CRACDL: variants seen among roughly 807,000 people sequenced by gnomAD.
CRACDL encodes CRACD like.
CRACDL carries 26 observed loss-of-function variants against 70.6 expected under a neutral mutation model. The observed-to-expected ratio is 0.37, with a 90% CI of 0.27 to 0.51. The LOEUF is 0.51. CRACDL is among the 20% of genes least tolerant of loss of function. The pLI, the probability that CRACDL is intolerant of heterozygous loss-of-function variation, is 0.94. For missense variants in CRACDL, 1,283 were observed against 1,376.9 expected (o/e 0.93, Z 1.08); for synonymous variants, 618 against 615.2 (o/e 1.00, Z -0.07).
At chr2:98,929,490 T>G (rs373922964) in intron 1 of CRACDL, among the ~76,000 whole-genome samples, 44 of 152,156 alleles carry the variant, frequency 2.9e-4, no homozygotes, top group South Asian at 1.5e-3. Context: ...GCCTCTCTGG[T>G]CATGTCTCTG....
intron 7 of CRACDL, among the ~76,000 whole-genome samples, chr2:98,799,915 G>A (rs1704001688): frequency 6.6e-6 from 1 of 152,080 alleles, no homozygotes; most frequent in African/African-American, 2.4e-5. Context: ...TCTGACTTTT[G>A]TTCCTAACCT....
intron 1 of CRACDL, among the ~76,000 whole-genome samples, chr2:98,932,738 C>G (rs1032969538): frequency 2.0e-5 from 3 of 152,174 alleles, no homozygotes; most frequent in Non-Finnish European, 4.4e-5. Flanking sequence ...CACACTTTAC[C>G]CAAGACAGTG....
chr2:98,892,841 C>T (rs1275223206), intron 1 of CRACDL, among the ~76,000 whole-genome samples: 1 of 152,152 alleles, frequency 6.6e-6, no homozygotes, highest in Non-Finnish European at 1.5e-5. Context: ...CCCAGCTGGA[C>T]TCCTTACGGT....
At chr2:98,800,356 T>C (rs1441612395) in intron 7 of CRACDL, among the ~76,000 whole-genome samples, 7 of 151,446 alleles carry the variant, frequency 4.6e-5, no homozygotes, top group Non-Finnish European at 8.8e-5. Context: ...GGTGGAGGAG[T>C]TGTGTAAACC....
intron 7 of CRACDL, 43 bp downstream of exon 7, chr2:98,821,814 C>G: frequency 6.3e-7 from 1 of 1,587,464 alleles, no homozygotes. Flanking sequence ...GGATGTGGAT[C>G]TCCCCAGGCC....
chr2:98,797,257 T>C, intron 8 of CRACDL, 93 bp downstream of exon 8: 1 of 1,186,962 alleles, frequency 8.4e-7, no homozygotes, highest in South Asian at 1.4e-5. Flanking sequence ...GTGACGCCCA[T>C]GCAGCACATG....
Position 98,823,539 on chromosome 2 carries a change from T to C in CRACDL, c.736-2A>G. 6.4e-7 allele frequency: 1 copy of C among 1,568,204 alleles called. No homozygotes were observed. The highest frequency in any genetic ancestry group is 1.2e-5 in the South Asian group (1 of 86,860). ...GCTCAGGGATTCAGACTGAGCGCGC[T>C]GAGAGAAATAAAGATAAAAAGCATC... On this transcript the variant is annotated splice_acceptor_variant, in intron 6 of 9. Coordinates refer to ENST00000397899, the MANE Select transcript of CRACDL (RefSeq NM_207362.3). LOFTEE classifies it high-confidence loss of function. This position sits in a 1 kb window ranked among gnomAD's most constrained non-coding sequence, Gnocchi z 4.0.
chr2:98,880,012 G>A (rs1707600212), intron 1 of CRACDL, among the ~76,000 whole-genome samples: 1 of 152,250 alleles, frequency 6.6e-6, no homozygotes, highest in Admixed American at 6.5e-5. Flanking sequence ...AGACTGTAAA[G>A]TGCGTGTGCA....
chr2:98,799,591 A>G (rs1301840061), intron 7 of CRACDL, among the ~76,000 whole-genome samples: 1 of 152,148 alleles, frequency 6.6e-6, no homozygotes, highest in African/African-American at 2.4e-5. Flanking sequence ...AGCTTAGCAG[A>G]ATGCTTGGGT....
intron 3 of CRACDL, among the ~76,000 whole-genome samples, chr2:98,835,988 G>C (rs1225407774): frequency 6.6e-6 from 1 of 152,150 alleles, no homozygotes. Context: ...GACAGAATCT[G>C]GATCCATCGA....
intron 7 of CRACDL, 47 bp from the exon 8 acceptor site, chr2:98,797,584 T>G (rs762981201): frequency 3.8e-6 from 6 of 1,574,684 alleles, no homozygotes; most frequent in Non-Finnish European, 5.2e-6. Flanking sequence ...TATTCCCTCT[T>G]CGGTTGCACC....
At chr2:98,816,277 G>A (rs531059270) in intron 7 of CRACDL, among the ~76,000 whole-genome samples, 8 of 152,270 alleles carry the variant, frequency 5.3e-5, no homozygotes, top group South Asian at 2.1e-4. Context: ...GTTTTATGAC[G>A]TATCAGTGGG....
chr2:98,905,292 T>G (rs1461861421), intron 1 of CRACDL, among the ~76,000 whole-genome samples: 1 of 147,708 alleles, frequency 6.8e-6, no homozygotes, highest in African/African-American at 2.5e-5. Flanking sequence ...CATCTCCCTC[T>G]CTCTTGCTGC....
At chr2:98,847,812 G>A (rs981602) in intron 1 of CRACDL, among the ~76,000 whole-genome samples, 74,361 of 152,026 alleles carry the variant, frequency 0.49, 19,337 homozygotes, top group African/African-American at 0.68. Flanking sequence ...ACCAATTCAC[G>A]TTTACCACTT....
intron 1 of CRACDL, among the ~76,000 whole-genome samples, chr2:98,914,052 C>T (rs1461337854): frequency 6.6e-6 from 1 of 152,250 alleles, no homozygotes; most frequent in Non-Finnish European, 1.5e-5. Flanking sequence ...AAGCAATCAC[C>T]TCTGCAATGC....
chr2:98,883,747 G>C (rs1345923668), intron 1 of CRACDL, among the ~76,000 whole-genome samples: 1 of 152,226 alleles, frequency 6.6e-6, no homozygotes, highest in Non-Finnish European at 1.5e-5. Context: ...CCCTGGTGTT[G>C]CTTAACAGCC....
chr2:98,810,501 G>A (rs1215110689), intron 7 of CRACDL, among the ~76,000 whole-genome samples: 3 of 152,150 alleles, frequency 2.0e-5, no homozygotes, highest in Non-Finnish European at 4.4e-5. Flanking sequence ...TCAGGTTAAA[G>A]ATGAGGCTGG....
chr2:98,893,823 G>A (rs932918751), intron 1 of CRACDL, among the ~76,000 whole-genome samples: 3 of 152,186 alleles, frequency 2.0e-5, no homozygotes, highest in Admixed American at 6.5e-5. Context: ...AATCCATGCC[G>A]TCAGGGGTAG....
intron 7 of CRACDL, among the ~76,000 whole-genome samples, chr2:98,808,853 C>T (rs1704432614): frequency 6.6e-6 from 1 of 152,218 alleles, no homozygotes; most frequent in South Asian, 2.1e-4. Context: ...TGAAGCCAGC[C>T]CTCTGAAATG....
Sources: allele counts gnomAD v4.1 joint callset (sites outside exome capture counted in the v4.1 genomes callset), GRCh38; gene constraint gnomAD v4.1.1; non-coding constraint Gnocchi (gnomAD v3.1); transcripts MANE v1.5; gene names NCBI Gene and HGNC (gene_info 2026-07-23, HGNC 2026-07-21).